LGSN: variants seen among roughly 807,000 people sequenced by gnomAD.
LGSN encodes lengsin, lens protein with glutamine synthetase domain.
LGSN carries 21 observed loss-of-function variants against 19.5 expected under a neutral mutation model. The ratio of observed to expected loss-of-function variants is 1.07; its 90% CI spans 0.76 to 1.55. LGSN has a LOEUF of 1.55. Ranked by LOEUF, LGSN falls within the 40% of genes most tolerant of loss-of-function variation. LGSN has a pLI of 0.00. For synonymous variants in LGSN, 257 were observed against 215.6 expected (o/e 1.19, Z -1.68); for missense variants, 673 against 608.5 (o/e 1.11, Z -1.12).
the LGSN span, among the ~76,000 whole-genome samples, chr6:63,345,114 A>T: frequency 2.6e-5 from 4 of 152,192 alleles, no homozygotes; most frequent in Non-Finnish European, 4.4e-5. Context: ...CCCACAAAAA[A>T]AAATAAATAT....
the LGSN span, among the ~76,000 whole-genome samples, chr6:63,383,005 T>C: frequency 8.5e-5 from 13 of 152,224 alleles, no homozygotes; most frequent in Non-Finnish European, 2.9e-5. Flanking sequence ...TTCTAATTAA[T>C]TAAATAGCTA....
chr6:63,280,485 T>C lies in LGSN; in HGVS notation c.1066A>G (p.Ser356Gly). Reference protein sequence around the residue: ...AGLLKHSAALSCLMAPSVSCR... With the variant: ...AGLLKHSAALGCLMAPSVSCR... ...CTAACAGAAGGCGCCATCAGGCAGCTGAGCGCAGCAGAGTGCTTCAAGAGT... is the reference window on the plus strand; with the variant it reads ...CTAACAGAAGGCGCCATCAGGCAGCCGAGCGCAGCAGAGTGCTTCAAGAGT... The change falls in exon 4 of 4, where the codon AGC becomes GGC. Residue 356 changes from serine (S) to glycine (G), a missense_variant. Transcript: ENST00000370657. The C allele has an allele frequency of 1.2e-6, 2 of 1,614,168 alleles. No individual in the cohort carries two copies. The highest frequency in any genetic ancestry group is 1.7e-6 in the Non-Finnish European group (2 of 1,180,032).
At chr6:63,335,927 T>C in the LGSN span, among the ~76,000 whole-genome samples, 1 of 151,552 alleles carries the variant, frequency 6.6e-6, no homozygotes, top group Non-Finnish European at 1.5e-5. Flanking sequence ...TAAGTGTCCA[T>C]CAACAGATGA....
At chr6:63,334,723 T>C in the LGSN span, among the ~76,000 whole-genome samples, 4 of 152,282 alleles carry the variant, frequency 2.6e-5, no homozygotes, top group Middle Eastern at 3.4e-3. Flanking sequence ...TACAAGTGTA[T>C]AGTAACCAAA....
chr6:63,371,827 T>C, the LGSN span, among the ~76,000 whole-genome samples: 1 of 152,246 alleles, frequency 6.6e-6, no homozygotes, highest in South Asian at 2.1e-4. Context: ...GGGAGAAAAA[T>C]AGAGGCCCAG....
At chr6:63,355,280 C>T in the LGSN span, among the ~76,000 whole-genome samples, 1 of 152,070 alleles carries the variant, frequency 6.6e-6, no homozygotes, top group Non-Finnish European at 1.5e-5. Flanking sequence ...AATAAAATAT[C>T]CCTACATTCT....
chr6:63,532,387 C>T, the LGSN span, among the ~76,000 whole-genome samples: 63 of 152,202 alleles, frequency 4.1e-4, no homozygotes, highest in Non-Finnish European at 6.9e-4. Context: ...CTTGAATCTC[C>T]TCTATGCTCA....
the LGSN span, among the ~76,000 whole-genome samples, chr6:63,565,224 C>T: frequency 3.7e-3 from 561 of 151,766 alleles, 3 homozygotes; most frequent in African/African-American, 0.013. Context: ...GTTGCCCAGG[C>T]GGTATCTGTC....
rs973586487 is a variant in LGSN, at chr6:63,278,787, G to A, written c.*1234C>T. ...AAAGGAAAAAAGAAGGGAGTAATTA[G>A]TGAAGGATAGACTGACTTTCACTAT... On this transcript the variant is annotated 3_prime_UTR_variant, in exon 4 of 4. Transcript: ENST00000370657. The A allele has an allele frequency of 6.6e-6, 1 of 152,140 alleles. No individual in the cohort carries two copies. The highest frequency in any genetic ancestry group is 1.5e-5 in the Non-Finnish European group (1 of 68,038). 9.4% of individuals were successfully genotyped at this position (152,140 alleles called of 1,614,324 possible).
the LGSN span, among the ~76,000 whole-genome samples, chr6:63,418,547 G>A: frequency 6.6e-6 from 1 of 152,174 alleles, no homozygotes; most frequent in Admixed American, 6.5e-5. Context: ...GCGACAGAGC[G>A]AGACTCCGTC....
the LGSN span, among the ~76,000 whole-genome samples, chr6:63,507,756 T>C: frequency 6.6e-6 from 1 of 152,242 alleles, no homozygotes; most frequent in Admixed American, 6.5e-5. Flanking sequence ...AGCCTGTTTT[T>C]GTTTCTTACA....
At chr6:63,415,656 G>A in the LGSN span, among the ~76,000 whole-genome samples, 42 of 152,310 alleles carry the variant, frequency 2.8e-4, no homozygotes, top group African/African-American at 9.9e-4. Flanking sequence ...ATAATTCAAG[G>A]TGAGGTTTGA....
the LGSN span, among the ~76,000 whole-genome samples, chr6:63,516,821 G>T: frequency 2.0e-5 from 3 of 152,166 alleles, no homozygotes; most frequent in Non-Finnish European, 4.4e-5. Flanking sequence ...CTAGAATATG[G>T]ACATGAAGGC....
chr6:63,412,570 G>GAAAAGAAAGAAAGAAA, the LGSN span, among the ~76,000 whole-genome samples: 8 of 111,364 alleles, frequency 7.2e-5, no homozygotes, highest in African/African-American at 3.7e-4. Context: ...AAGAAAGAAA[G>GAAAAGAAAGAAAGAAA]GAAGGAAGGA....
chr6:63,500,880 ACCAGGCCTGG>A, the LGSN span, among the ~76,000 whole-genome samples: 1 of 151,822 alleles, frequency 6.6e-6, no homozygotes, highest in African/African-American at 2.4e-5. Context: ...GGCACGTGCC[ACCAGGCCTGG>A]CTAATTTTTA....
the LGSN span, among the ~76,000 whole-genome samples, chr6:63,373,239 G>GA: frequency 1.3e-5 from 2 of 152,096 alleles, no homozygotes; most frequent in Admixed American, 1.3e-4. Flanking sequence ...ATGATGAAAA[G>GA]AAAAAAGATA....
the LGSN span, among the ~76,000 whole-genome samples, chr6:63,424,508 GACACACACAC>G: frequency 6.8e-6 from 1 of 146,592 alleles, no homozygotes. Flanking sequence ...ACCAAAACCA[GACACACACAC>G]ACACACACAC....
At chr6:63,288,168 A>C (rs561689040) in intron 2 of LGSN, among the ~76,000 whole-genome samples, 113 of 151,994 alleles carry the variant, frequency 7.4e-4, no homozygotes, top group Admixed American at 1.4e-3. Flanking sequence ...CAGCTCCACC[A>C]AGGAGCTGAG....
At chr6:63,281,290 GC>G (rs988335678) in intron 3 of LGSN, 70 bp from the exon 4 acceptor site, 5 of 706,886 alleles carry the variant, frequency 7.1e-6, no homozygotes, top group Non-Finnish European at 1.9e-6. Flanking sequence ...CGGCGGGAAA[GC>G]CTTGCTAATG....
Sources: allele counts gnomAD v4.1 joint callset (sites outside exome capture counted in the v4.1 genomes callset), GRCh38; gene constraint gnomAD v4.1.1; transcripts MANE v1.5; gene names NCBI Gene and HGNC (gene_info 2026-07-23, HGNC 2026-07-21).